The following PTPRT variants were observed in gnomAD, a reference collection of about 807,000 sequenced individuals.
The protein encoded by PTPRT is protein tyrosine phosphatase receptor type T, also known as receptor-type tyrosine-protein phosphatase T.
Under a neutral mutation model 176.8 loss-of-function variants are expected in PTPRT, and 56 were observed. That is an observed-to-expected ratio of 0.32 (90% CI 0.26 to 0.40). PTPRT has a LOEUF of 0.40. Ranked by LOEUF, PTPRT falls within the 10% of genes least tolerant of loss-of-function variation. The pLI, the probability that PTPRT is intolerant of heterozygous loss-of-function variation, is 1.00. For synonymous variants in PTPRT, 783 were observed against 739.0 expected, an observed-to-expected ratio of 1.06 and a Z score of -0.96; for missense variants, 1,540 against 1,908.2, an observed-to-expected ratio of 0.81 and a Z score of 3.60.
chr20:43,173,642 G>A (rs563604386), intron 1 of PTPRT, among the ~76,000 whole-genome samples: 129 of 152,330 alleles, frequency 8.5e-4, no homozygotes, highest in African/African-American at 3.0e-3. Flanking sequence ...CCACAGTGTG[G>A]GGTGATCCCT....
chr20:42,867,742 C>T (rs1849151), intron 2 of PTPRT, among the ~76,000 whole-genome samples: 1,770 of 141,036 alleles, frequency 0.013, 42 homozygotes, highest in African/African-American at 0.046. Flanking sequence ...AGTCCAGAGG[C>T]ACTATGTCGG....
chr20:42,508,902 A>T, intron 7 of PTPRT, among the ~76,000 whole-genome samples: 1 of 144,702 alleles, frequency 6.9e-6, no homozygotes, highest in African/African-American at 2.5e-5. Context: ...TATAAATATA[A>T]ATAATATAAT....
chr20:42,164,084 A>G (rs982254606), intron 16 of PTPRT, among the ~76,000 whole-genome samples: 4 of 152,242 alleles, frequency 2.6e-5, no homozygotes, highest in Non-Finnish European at 5.9e-5. Flanking sequence ...GCCATACTCT[A>G]TGATTTCTAT....
At chr20:43,068,462 G>A (rs3092179) in intron 1 of PTPRT, among the ~76,000 whole-genome samples, 54,187 of 144,826 alleles carry the variant, frequency 0.37, 11,304 homozygotes, top group African/African-American at 0.56. Context: ...CCGAGACCGC[G>A]CCACTGCACT....
At chr20:43,181,655 C>G (rs1475436776) in intron 1 of PTPRT, among the ~76,000 whole-genome samples, 1 of 152,034 alleles carries the variant, frequency 6.6e-6, no homozygotes, top group South Asian at 2.1e-4. Context: ...TGTTTAAAAC[C>G]TCTTTCTTTT....
At chr20:42,467,864 T>G (rs548208265) in intron 8 of PTPRT, among the ~76,000 whole-genome samples, 2 of 152,290 alleles carry the variant, frequency 1.3e-5, no homozygotes, top group South Asian at 4.1e-4. Flanking sequence ...AATCTTGGGC[T>G]AAAGGAGTAC....
intron 7 of PTPRT, among the ~76,000 whole-genome samples, chr20:42,578,975 G>A (rs920761844): frequency 1.2e-4 from 18 of 148,436 alleles, no homozygotes; most frequent in Non-Finnish European, 2.4e-4. Context: ...TGTTACATAT[G>A]TATACATGTG....
At chr20:42,133,201 C>T (rs1019065550) in intron 18 of PTPRT, among the ~76,000 whole-genome samples, 8 of 152,098 alleles carry the variant, frequency 5.3e-5, no homozygotes, top group Admixed American at 3.9e-4. Context: ...GCATGTTTAA[C>T]GTAGGCTAGG....
intron 7 of PTPRT, among the ~76,000 whole-genome samples, chr20:42,523,394 T>G (rs988059788): frequency 2.6e-5 from 4 of 152,230 alleles, no homozygotes; most frequent in Admixed American, 2.6e-4. Flanking sequence ...GAAATTTTAT[T>G]TGAATGTCTC....
chr20:43,000,344 A>G (rs144286426), intron 1 of PTPRT, among the ~76,000 whole-genome samples: 1 of 152,178 alleles, frequency 6.6e-6, no homozygotes, highest in East Asian at 1.9e-4. Context: ...CCATTCCAAA[A>G]CGAGTTAAAG....
chr20:42,913,260 A>G (rs995922854), intron 1 of PTPRT, among the ~76,000 whole-genome samples: 7 of 152,194 alleles, frequency 4.6e-5, no homozygotes, highest in African/African-American at 1.7e-4. Flanking sequence ...CAGTTCTGGA[A>G]GCTAGAAGCT....
intron 2 of PTPRT, among the ~76,000 whole-genome samples, chr20:42,796,853 ATCTCT>A (rs2077462410): frequency 6.6e-6 from 1 of 152,156 alleles, no homozygotes; most frequent in African/African-American, 2.4e-5. Flanking sequence ...CCCAAGATAC[ATCTCT>A]TCTCTCTGAT....
At chr20:42,987,622 A>AC (rs1983672936) in intron 1 of PTPRT, among the ~76,000 whole-genome samples, 1 of 150,906 alleles carries the variant, frequency 6.6e-6, no homozygotes, top group Non-Finnish European at 1.5e-5. Flanking sequence ...TCAGACACTC[A>AC]CCCCGCCCAC....
intron 27 of PTPRT, among the ~76,000 whole-genome samples, chr20:42,094,682 G>A (rs764536021): frequency 2.0e-5 from 3 of 152,168 alleles, no homozygotes; most frequent in Non-Finnish European, 4.4e-5. Flanking sequence ...CTGAGATCAG[G>A]AGATCAAGAC....
At chr20:42,085,068 GC>G (rs1983747107) in intron 28 of PTPRT, among the ~76,000 whole-genome samples, 1 of 152,090 alleles carries the variant, frequency 6.6e-6, no homozygotes, top group Non-Finnish European at 1.5e-5. Flanking sequence ...AAAAACTCCT[GC>G]TCAGCCTTCA....
Position 42,865,868 on chromosome 20 carries a change from C to G in PTPRT, c.214+19939G>C, listed in dbSNP as rs188943465. Among the ~76,000 whole-genome samples, 97 of 152,190 alleles carry G rather than the reference C, an allele frequency of 6.4e-4. 1 individual carries two copies. The highest frequency in any genetic ancestry group is 3.5e-3 in the Admixed American group (53 of 15,288). On this transcript the variant is annotated intron_variant, in intron 2 of 30. Transcript: ENST00000373187. ...CCTGTCTTCCTCTAGGAATGCACTC[C>G]CTCCGTCTCCTTCTCAGGCTCCCAT... is the stretch of plus-strand genomic sequence containing the variant.
chr20:42,510,381 A>G (rs991639382), intron 7 of PTPRT, among the ~76,000 whole-genome samples: 3 of 152,062 alleles, frequency 2.0e-5, no homozygotes, highest in African/African-American at 7.2e-5. Context: ...TTATTTTGAA[A>G]TGTATTCCTG....
intron 2 of PTPRT, among the ~76,000 whole-genome samples, chr20:42,838,151 C>T (rs978532260): frequency 6.6e-6 from 1 of 152,052 alleles, no homozygotes; most frequent in South Asian, 2.1e-4. Flanking sequence ...CTCAGCCTCC[C>T]GAGTAGCTGG....
intron 16 of PTPRT, among the ~76,000 whole-genome samples, chr20:42,188,908 GT>G: frequency 6.6e-6 from 1 of 152,266 alleles, no homozygotes; most frequent in South Asian, 2.1e-4. Context: ...GACAGTGAAG[GT>G]CTGTAACTGA....
Sources: allele counts gnomAD v4.1 joint callset (sites outside exome capture counted in the v4.1 genomes callset), GRCh38; gene constraint gnomAD v4.1.1; transcripts MANE v1.5; gene names NCBI Gene and HGNC (gene_info 2026-07-23, HGNC 2026-07-21).